Variants in DENND5B observed in about 807,000 individuals in gnomAD.
DENND5B encodes the protein DENN domain containing 5B, also known as DENN domain-containing protein 5B.
Under a neutral mutation model 140.6 loss-of-function variants are expected in DENND5B, and 34 were observed. That is an observed-to-expected ratio of 0.24 (90% CI 0.18 to 0.32). The LOEUF (loss-of-function observed/expected upper bound fraction) is 0.32. DENND5B is among the 10% of genes least tolerant of loss of function. The probability of loss-of-function intolerance (pLI) is 1.00; values close to 1 mark genes in which losing one functional copy is unlikely to be tolerated. For missense variants in DENND5B, 1,142 were observed against 1,560.2 expected (o/e 0.73, Z 4.52); for synonymous variants, 551 against 562.1 (o/e 0.98, Z 0.28).
At chr12:31,445,138 C>T (rs1191819196) in intron 6 of DENND5B, among the ~76,000 whole-genome samples, 4 of 152,056 alleles carry the variant, frequency 2.6e-5, no homozygotes, top group African/African-American at 4.8e-5. Flanking sequence ...AAGGGAGGGC[C>T]GTCAGGTGAT....
chr12:31,423,483 A>T, intron 11 of DENND5B, 114 bp downstream of exon 11: 1 of 1,092,434 alleles, frequency 9.2e-7, no homozygotes, highest in Non-Finnish European at 1.3e-6. Flanking sequence ...TTATCCCATT[A>T]TTGGCAAAAT....
intron 2 of DENND5B, among the ~76,000 whole-genome samples, chr12:31,492,367 A>C (rs1013969985): frequency 5.9e-5 from 9 of 152,206 alleles, no homozygotes; most frequent in Middle Eastern, 3.2e-3. Flanking sequence ...AAACACATGA[A>C]GGGTGGCATT....
intron 3 of DENND5B, 87 bp downstream of exon 3, chr12:31,479,502 G>A (rs1231086723): frequency 1.4e-5 from 17 of 1,226,108 alleles, no homozygotes; most frequent in South Asian, 2.2e-5. Context: ...ATCATTATTC[G>A]GTTCTAATAA....
intron 1 of DENND5B, among the ~76,000 whole-genome samples, chr12:31,567,264 G>C (rs1204746539): frequency 2.6e-5 from 4 of 151,310 alleles, no homozygotes; most frequent in African/African-American, 9.7e-5. Flanking sequence ...GCTGCAGTGA[G>C]CTGTGATAGC....
intron 1 of DENND5B, among the ~76,000 whole-genome samples, chr12:31,527,647 C>T (rs1251594116): frequency 4.6e-5 from 7 of 151,836 alleles, no homozygotes; most frequent in Admixed American, 4.6e-4. Context: ...GCATGGTGGC[C>T]CACACCTGTA....
intron 3 of DENND5B, among the ~76,000 whole-genome samples, chr12:31,471,291 T>TA (rs1945546676): frequency 6.6e-6 from 1 of 152,060 alleles, no homozygotes; most frequent in Non-Finnish European, 1.5e-5. Context: ...CCAGAGATCT[T>TA]AGAGACACTC....
chr12:31,410,284 G>A (rs1215712863), intron 13 of DENND5B, among the ~76,000 whole-genome samples: 1 of 152,116 alleles, frequency 6.6e-6, no homozygotes, highest in Non-Finnish European at 1.5e-5. Context: ...CAGATGAAAT[G>A]GGGCAAAGAT....
Position 31,452,266 on chromosome 12 carries a change from C to T in DENND5B, c.1303G>A (p.Gly435Ser), listed in dbSNP as rs997490301. The T allele has an allele frequency of 1.3e-5, 21 of 1,613,770 alleles. No individual in the cohort carries two copies. Among genetic ancestry groups the T allele is most frequent in the South Asian group, 1.2e-4 (11 of 91,080 alleles). Residue 435 changes from glycine to serine, a missense_variant, in exon 5 of 21, where the codon GGC becomes AGC. By Grantham distance (56) the Gly-to-Ser change is moderately conservative. Coordinates refer to ENST00000389082, the MANE Select transcript of DENND5B (RefSeq NM_144973.4). ...LKDLVNDKKNGNVCTNNISMY... is the reference protein window; with the variant it reads ...LKDLVNDKKNSNVCTNNISMY... ...CTGATGTTATTAGTACAGACATTGC[C>T]GTTCTTTTTGTCATTGACCAAGTCT...
chr12:31,413,310 A>T (rs899529172), intron 13 of DENND5B, 126 bp downstream of exon 13: 1 of 1,164,408 alleles, frequency 8.6e-7, no homozygotes, highest in African/African-American at 1.6e-5. Context: ...CCTGTTAGAT[A>T]AAGAAGAATG....
intron 1 of DENND5B, among the ~76,000 whole-genome samples, chr12:31,582,741 T>C (rs1264536437): frequency 1.3e-5 from 2 of 152,210 alleles, no homozygotes. Flanking sequence ...GCCTTTAATA[T>C]CTTTCCCATA....
chr12:31,511,527 A>G (rs946373740), intron 1 of DENND5B, among the ~76,000 whole-genome samples: 1 of 130,994 alleles, frequency 7.6e-6, no homozygotes, highest in African/African-American at 2.9e-5. Flanking sequence ...ATAATACGTG[A>G]ATATGATGTC....
chr12:31,457,752 C>T (rs1198740098), intron 4 of DENND5B, among the ~76,000 whole-genome samples: 2 of 150,244 alleles, frequency 1.3e-5, no homozygotes, highest in East Asian at 2.0e-4. Flanking sequence ...CTCGCTCTGT[C>T]GCCCAGGCTG....
chr12:31,397,404 C>T (rs1593053321), intron 17 of DENND5B, among the ~76,000 whole-genome samples: 1 of 151,462 alleles, frequency 6.6e-6, no homozygotes, highest in Non-Finnish European at 1.5e-5. Context: ...AAAAATTAGC[C>T]AGATGTGGTG....
chr12:31,497,575 G>T (rs1946807617), intron 1 of DENND5B, among the ~76,000 whole-genome samples: 1 of 151,218 alleles, frequency 6.6e-6, no homozygotes, highest in Non-Finnish European at 1.5e-5. Context: ...ATGTTTTTAA[G>T]CTGATGCTAG....
chr12:31,506,133 C>G (rs1947192121), intron 1 of DENND5B, among the ~76,000 whole-genome samples: 1 of 152,144 alleles, frequency 6.6e-6, no homozygotes. Flanking sequence ...CTTGCCTAGA[C>G]TTAGTTAAGA....
chr12:31,438,165 G>A (rs1943861998), intron 7 of DENND5B, among the ~76,000 whole-genome samples: 1 of 152,110 alleles, frequency 6.6e-6, no homozygotes. Context: ...AGTAGAGATG[G>A]GGTTCCACCA....
intron 2 of DENND5B, among the ~76,000 whole-genome samples, chr12:31,495,379 C>CTTTTTTTTT (rs1293809907): frequency 4.7e-5 from 3 of 63,532 alleles, no homozygotes; most frequent in Non-Finnish European, 8.8e-5. Flanking sequence ...TATCACATTT[C>CTTTTTTTTT]TTTTTTTTTC....
intron 1 of DENND5B, among the ~76,000 whole-genome samples, chr12:31,500,061 TCTGA>T (rs1946942410): frequency 6.6e-6 from 1 of 152,224 alleles, no homozygotes; most frequent in South Asian, 2.1e-4. Flanking sequence ...GTTTTGGATT[TCTGA>T]CTGTTTCAGA....
chr12:31,461,611 T>A (rs574150986), intron 3 of DENND5B, among the ~76,000 whole-genome samples: 8 of 152,294 alleles, frequency 5.3e-5, no homozygotes, highest in African/African-American at 1.9e-4. Flanking sequence ...TATAATTAAA[T>A]ACATTAATAT....
Sources: gnomAD v4.1 joint callset for allele counts (sites outside exome capture counted in the v4.1 genomes callset) on GRCh38, gnomAD v4.1.1 for gene constraint, MANE v1.5 for transcripts, NCBI Gene and HGNC (gene_info 2026-07-23, HGNC 2026-07-21) for gene names.